Variants in PPP1R42 observed in about 807,000 individuals in gnomAD.
PPP1R42 encodes leucine rich repeat containing 67.
A neutral mutation model predicts 31.0 loss-of-function variants in PPP1R42; 34 were observed. That is an observed-to-expected ratio of 1.10 (90% confidence interval 0.83 to 1.46). PPP1R42 has a LOEUF of 1.46. Among genes scored for constraint, PPP1R42 ranks in the 40% most tolerant of loss-of-function variants. The pLI, the probability that PPP1R42 is intolerant of heterozygous loss-of-function variation, is 0.00. For missense variants in PPP1R42, 268 were observed against 303.0 expected (o/e 0.88, Z 0.86); for synonymous variants, 103 against 109.8 (o/e 0.94, Z 0.39).
chr8:66,984,945 TG>T lies in PPP1R42; in HGVS notation c.671-2766del. 6 of 1,538,388 alleles carry T rather than the reference TG, an allele frequency of 3.9e-6. No individual in the cohort carries two copies. In the South Asian group the frequency reaches 6.7e-5, roughly 17 times the overall value. Reference sequence around the variant, plus strand: ...AAGTAACTGGTGTGTCATTGTCAACTGGAGCATTGAGCTGGGCTGGATGTTC... The same window carrying T: ...AAGTAACTGGTGTGTCATTGTCAACTGAGCATTGAGCTGGGCTGGATGTTC... On this transcript the variant is annotated intron_variant, in intron 6 of 7. Coordinates refer to ENST00000685739, the MANE Select transcript of PPP1R42 (RefSeq NM_001364910.1).
At chr8:67,006,861 C>T (rs1164063850) in intron 5 of PPP1R42, among the ~76,000 whole-genome samples, 1 of 151,406 alleles carries the variant, frequency 6.6e-6, no homozygotes, top group Non-Finnish European at 1.5e-5. Flanking sequence ...ATTCTCCTGC[C>T]TCAGCCTCCC....
chr8:66,990,992 A>G (rs1265043522), intron 5 of PPP1R42, among the ~76,000 whole-genome samples: 2 of 152,222 alleles, frequency 1.3e-5, no homozygotes, highest in African/African-American at 4.8e-5. Flanking sequence ...TTTAGTTCAT[A>G]TAAGAGGCAA....
At position 67,017,706 on chromosome 8, in the gene PPP1R42, A is replaced by T; in HGVS notation, c.42T>A (p.Asn14Lys). The T allele has an allele frequency of 6.2e-7, 1 of 1,600,340 alleles. No homozygotes were observed. ...TGGTTTCTTCTTTTCGGGGTTTAAG[A>T]TTGCTGTTTCTGGCAATTAGATCCA... ...LTLDLIARNS[N>K]LKPRKEETIS... Residue 14 changes from asparagine (N) to lysine (K), a missense_variant, in exon 2 of 8, where the codon AAT (asparagine) becomes AAA (lysine). Coordinates refer to ENST00000685739, the MANE Select transcript of PPP1R42 (RefSeq NM_001364910.1).
rs376676247 is a variant in PPP1R42, at chr8:67,020,193, TTTGTTG to T, written c.-84-2368_-84-2363del. Among the ~76,000 whole-genome samples, 683 of 151,902 alleles carry T rather than the reference TTTGTTG, an allele frequency of 4.5e-3. 9 individuals are homozygous for T. The highest frequency in any genetic ancestry group is 0.015 in the African/African-American group (636 of 41,330). ...CCAGGGTTTTTTGTTGTGTTTTGTT[TTTGTTG>T]TTGTTGTTGTTGTTTTTTTTGATAT... On this transcript the variant is annotated intron_variant, in intron 1 of 7. Coordinates refer to ENST00000685739, the MANE Select transcript of PPP1R42 (RefSeq NM_001364910.1).
chr8:66,992,553 A>G (rs1035752306), intron 5 of PPP1R42, among the ~76,000 whole-genome samples: 1 of 152,238 alleles, frequency 6.6e-6, no homozygotes, highest in Non-Finnish European at 1.5e-5. Context: ...ACTGGGGAGC[A>G]GGAGCATATG....
intron 2 of PPP1R42, among the ~76,000 whole-genome samples, chr8:67,016,949 A>G (rs1816033951): frequency 6.6e-6 from 1 of 152,178 alleles, no homozygotes; most frequent in South Asian, 2.1e-4. Flanking sequence ...TTATATTTCA[A>G]GGTTTTACAA....
At chr8:66,972,027 G>A (rs535153043) in intron 7 of PPP1R42, among the ~76,000 whole-genome samples, 6 of 152,136 alleles carry the variant, frequency 3.9e-5, no homozygotes, top group Non-Finnish European at 8.8e-5. Flanking sequence ...CTGAAAGGTA[G>A]GTATACTGTA....
intron 7 of PPP1R42, among the ~76,000 whole-genome samples, chr8:66,971,822 A>G (rs1166126423): frequency 1.3e-5 from 2 of 152,230 alleles, no homozygotes; most frequent in African/African-American, 4.8e-5. Flanking sequence ...CCTTGAAGTT[A>G]GAGGTTATAA....
At chr8:67,011,402 C>T (rs1815840821) in intron 4 of PPP1R42, among the ~76,000 whole-genome samples, 1 of 152,130 alleles carries the variant, frequency 6.6e-6, no homozygotes, top group African/African-American at 2.4e-5. Context: ...TGCCACACGC[C>T]TGTAGTCCCA....
chr8:67,010,926 C>A, intron 4 of PPP1R42, 95 bp from the exon 5 acceptor site: 1 of 1,216,630 alleles, frequency 8.2e-7, no homozygotes, highest in Non-Finnish European at 1.1e-6. Flanking sequence ...TAAGCTTGAT[C>A]AGTTCAGGTT....
At chr8:67,012,831 G>T in intron 4 of PPP1R42, 127 bp downstream of exon 4, 2 of 807,498 alleles carry the variant, frequency 2.5e-6, no homozygotes, top group Non-Finnish European at 3.6e-6. Flanking sequence ...CCTCTGATAA[G>T]CTCTGAGCTG....
chr8:66,984,189 C>T lies in PPP1R42; in HGVS notation c.671-2009G>A, dbSNP rs754359242. 195 of 1,577,244 alleles carry T rather than the reference C, an allele frequency of 1.2e-4. 1 individual carries two copies. Among genetic ancestry groups the T allele is most frequent in the Middle Eastern group, 1.2e-3 (7 of 5,926 alleles). ...GCGCAAGGTCCCAGTAATGTTCAGC[C>T]CCATGCTTTCTGAAATGCTCATGAG... is the stretch of plus-strand genomic sequence containing the variant. On this transcript the variant is annotated intron_variant, in intron 6 of 7. Coordinates refer to ENST00000685739, the MANE Select transcript of PPP1R42 (RefSeq NM_001364910.1).
At chr8:66,981,381 T>G (rs901047849) in intron 7 of PPP1R42, among the ~76,000 whole-genome samples, 38 of 139,984 alleles carry the variant, frequency 2.7e-4, no homozygotes, top group African/African-American at 9.5e-4. Context: ...ATTTTTGCAC[T>G]TTTTTTTTTT....
At chr8:66,968,582 T>A in intron 7 of PPP1R42, 1 of 657,228 alleles carries the variant, frequency 1.5e-6, no homozygotes, top group Non-Finnish European at 1.9e-6. Context: ...AAATCTGTTC[T>A]TTGTGTTTAG....
intron 1 of PPP1R42, among the ~76,000 whole-genome samples, chr8:67,022,062 T>C (rs532266903): frequency 6.6e-6 from 1 of 152,320 alleles, no homozygotes; most frequent in East Asian, 1.9e-4. Flanking sequence ...TGGCCACTTC[T>C]GGGTTGGACA....
chr8:67,017,844 G>A lies in PPP1R42; in HGVS notation c.-84-13C>T. 5 of 1,305,732 alleles carry A rather than the reference G, an allele frequency of 3.8e-6. No individual in the cohort carries two copies. The highest frequency in any genetic ancestry group is 3.0e-5 in the Admixed American group (1 of 33,302). 80.9% of individuals were successfully genotyped at this position (1,305,732 alleles called of 1,614,324 possible). On this transcript the variant is annotated splice_polypyrimidine_tract_variant and intron_variant, in intron 1 of 7. Coordinates refer to ENST00000685739, the MANE Select transcript of PPP1R42 (RefSeq NM_001364910.1). ...TATTTCCAACTTTCTGAAGATTAAA[G>A]AAAAAAGGAGCATTATGATATCATA... is the stretch of plus-strand genomic sequence containing the variant.
chr8:67,018,146 G>T (rs776524362), intron 1 of PPP1R42, among the ~76,000 whole-genome samples: 1 of 146,178 alleles, frequency 6.8e-6, no homozygotes, highest in Non-Finnish European at 1.5e-5. Context: ...ACGGAGTTTC[G>T]CTCTTGTCAC....
chr8:66,996,590 T>C (rs1169362226), intron 5 of PPP1R42, among the ~76,000 whole-genome samples: 1 of 152,220 alleles, frequency 6.6e-6, no homozygotes. Context: ...TTTTCTACTG[T>C]TTCCTAGATA....
intron 5 of PPP1R42, among the ~76,000 whole-genome samples, chr8:66,999,773 T>TACA (rs1815431542): frequency 6.6e-6 from 1 of 152,244 alleles, no homozygotes; most frequent in Non-Finnish European, 1.5e-5. Context: ...GGTTTTTATT[T>TACA]GTGAAATATG....
Sources: gnomAD v4.1 joint callset for allele counts (sites outside exome capture counted in the v4.1 genomes callset) on GRCh38, gnomAD v4.1.1 for gene constraint, MANE v1.5 for transcripts, NCBI Gene and HGNC (gene_info 2026-07-23, HGNC 2026-07-21) for gene names.